FGF9: variants seen among roughly 807,000 people sequenced by gnomAD.
FGF9 encodes fibroblast growth factor 9 (glia-activating factor).
A neutral mutation model predicts 19.9 loss-of-function variants in FGF9; 3 were observed. That is an observed-to-expected ratio of 0.15 (90% confidence interval 0.07 to 0.39). The LOEUF (loss-of-function observed/expected upper bound fraction) is 0.39. Among genes scored for constraint, FGF9 ranks in the 10% least tolerant of loss-of-function variants. The probability of loss-of-function intolerance (pLI) is 1.00; values close to 1 mark genes in which losing one functional copy is unlikely to be tolerated. For synonymous variants in FGF9, 107 were observed against 106.9 expected (o/e 1.00, Z -0.01); for missense variants, 175 against 256.8 (o/e 0.68, Z 2.18).
intron 2 of FGF9, among the ~76,000 whole-genome samples, chr13:21,697,336 G>A (rs1016897691): frequency 6.6e-6 from 1 of 152,030 alleles, no homozygotes; most frequent in Non-Finnish European, 1.5e-5. Flanking sequence ...TGTAGAGATG[G>A]GGGTCTCACT....
At chr13:21,686,356 A>G (rs986702223) in intron 2 of FGF9, among the ~76,000 whole-genome samples, 1 of 152,246 alleles carries the variant, frequency 6.6e-6, no homozygotes, top group African/African-American at 2.4e-5. Flanking sequence ...CATCAAGAAT[A>G]ATTGACCATA....
Position 21,671,792 on chromosome 13 carries a change from T to A in FGF9, c.-121T>A. On this transcript the variant is annotated 5_prime_UTR_variant, in exon 1 of 3. Transcript: ENST00000382353. ...TAATGGATTGAAGAAAAGAACCTTT[T>A]TTTTCTCTCTCTCTCTGCAACTGCA... The A allele has an allele frequency of 1.7e-6, 2 of 1,180,324 alleles. No homozygotes were observed. The highest frequency in any genetic ancestry group is 2.5e-6 in the Non-Finnish European group (2 of 801,662). The allele number at this position is 1,180,324 out of a possible 1,614,324, so 73.1% of individuals were successfully genotyped here.
At chr13:21,683,828 C>T (rs1267311543) in intron 2 of FGF9, among the ~76,000 whole-genome samples, 3 of 152,234 alleles carry the variant, frequency 2.0e-5, no homozygotes, top group African/African-American at 7.2e-5. Flanking sequence ...GGCAGAAGTA[C>T]CTTCAAAACC....
chr13:21,699,918 G>T lies in FGF9; in HGVS notation c.382-1272G>T, dbSNP rs183140078. The stretch of plus-strand genomic sequence containing the variant: ...AAAAGTTTCAGTTGAACAGTGAGAA[G>T]AGCAAAAAGGCCAGTAAGTCCTGTC... On this transcript the variant is annotated intron_variant, in intron 2 of 2. Transcript: ENST00000382353. Among the ~76,000 whole-genome samples, 256 of 152,222 alleles carry T rather than the reference G, an allele frequency of 1.7e-3. 2 individuals carry two copies. The highest frequency in any genetic ancestry group is 2.9e-3 in the Non-Finnish European group (194 of 68,016).
intron 1 of FGF9, among the ~76,000 whole-genome samples, chr13:21,675,142 C>T (rs1245004170): frequency 6.6e-6 from 1 of 151,470 alleles, no homozygotes; most frequent in African/African-American, 2.4e-5. Flanking sequence ...GTCGGCCTGG[C>T]GTCGGCCGAG....
chr13:21,684,295 T>C (rs148853736), intron 2 of FGF9, among the ~76,000 whole-genome samples: 109 of 152,340 alleles, frequency 7.2e-4, no homozygotes, highest in Middle Eastern at 3.4e-3. Flanking sequence ...TGTATTTCTC[T>C]GTTCCCTAAT....
chr13:21,677,515 G>C (rs567685354), intron 1 of FGF9, among the ~76,000 whole-genome samples: 6 of 152,180 alleles, frequency 3.9e-5, no homozygotes, highest in African/African-American at 1.2e-4. Context: ...CCTGGCACCA[G>C]CTCCACCCCA....
intron 2 of FGF9, among the ~76,000 whole-genome samples, chr13:21,693,697 G>A (rs1411906198): frequency 6.6e-6 from 1 of 152,194 alleles, no homozygotes; most frequent in African/African-American, 2.4e-5. Context: ...GGAAGAGGAT[G>A]CGGCAGGCCC....
At position 21,671,436 on chromosome 13, in the gene FGF9, C is replaced by A; in HGVS notation, c.-477C>A. On this transcript the variant is annotated 5_prime_UTR_variant, in exon 1 of 3. Transcript: ENST00000382353. Reference sequence around the variant, plus strand: ...TGCAGAGTCGGTTAGAGAGTAAAAACAGCGCATGCCTTCCTGGAGTCAGGA... The same window carrying A: ...TGCAGAGTCGGTTAGAGAGTAAAAAAAGCGCATGCCTTCCTGGAGTCAGGA... 50 of 396,238 alleles carry A rather than the reference C, an allele frequency of 1.3e-4. No homozygotes were observed. The highest frequency in any genetic ancestry group is 1.3e-4 in the Non-Finnish European group (30 of 225,410). The allele number at this position is 396,238 out of a possible 1,614,324, so 24.5% of individuals were successfully genotyped here. A position where few individuals can be genotyped will look rare whatever the true frequency, so the allele number is the denominator to read the frequency against.
chr13:21,696,548 G>A (rs113035724), intron 2 of FGF9, among the ~76,000 whole-genome samples: 1 of 1,836 alleles, frequency 5.4e-4, no homozygotes, highest in Middle Eastern at 0.5. Flanking sequence ...CATTAGAAAC[G>A]TGGTGGGTTT....
In FGF9 at chr13:21,695,083, C is replaced by CGTGT. The variant is rs59076902; in HGVS notation, c.382-6077_382-6074dup. On this transcript the variant is annotated intron_variant, in intron 2 of 2. Coordinates refer to ENST00000382353, the MANE Select transcript of FGF9 (RefSeq NM_002010.3). ...GAAGATGTGTGCGTGTGTGTGTGTG[C>CGTGT]GTGTGTGTGTGTGTGTGTGTGTGTG... is the stretch of plus-strand genomic sequence containing the variant. Among the ~76,000 whole-genome samples the CGTGT allele has an allele frequency of 9.6e-3, 1,319 of 137,206 alleles. 5 individuals carry two copies. The highest frequency in any genetic ancestry group is 0.014 in the Non-Finnish European group (891 of 63,118). The allele number at this position is 137,206 out of a possible 152,430, so 90.0% of individuals were successfully genotyped here. A position where few individuals can be genotyped will look rare whatever the true frequency, so the allele number is the denominator to read the frequency against.
In FGF9 at chr13:21,702,928, T is replaced by C. The variant is rs1210237724; in HGVS notation, c.*1493T>C. ...AAGCGCTCAATTTTTTTAGAGGGGA[T>C]ATTACTATATAGAATATCTTTTACA... On this transcript the variant is annotated 3_prime_UTR_variant, in exon 3 of 3. Transcript: ENST00000382353. 2.0e-5 allele frequency: 3 copies of C among 152,244 alleles called. No homozygotes were observed. The highest frequency in any genetic ancestry group is 7.2e-5 in the African/African-American group (3 of 41,478). The allele number at this position is 152,244 out of a possible 1,614,324, so 9.4% of individuals were successfully genotyped here.
chr13:21,690,206 T>G (rs1022045464), intron 2 of FGF9, among the ~76,000 whole-genome samples: 11 of 151,972 alleles, frequency 7.2e-5, no homozygotes, highest in Non-Finnish European at 1.5e-4. Flanking sequence ...CACACACTCT[T>G]CCATCCACAC....
intron 2 of FGF9, among the ~76,000 whole-genome samples, chr13:21,686,900 A>G (rs1275390948): frequency 6.6e-6 from 1 of 152,208 alleles, no homozygotes; most frequent in Non-Finnish European, 1.5e-5. Flanking sequence ...GAGAGAGGTT[A>G]AGTGACTTGC....
At chr13:21,697,906 C>CA (rs1872448638) in intron 2 of FGF9, among the ~76,000 whole-genome samples, 1 of 151,306 alleles carries the variant, frequency 6.6e-6, no homozygotes. Flanking sequence ...CTCCCGGGTT[C>CA]ACGCCATTCT....
chr13:21,693,798 G>A (rs1395938358), intron 2 of FGF9, among the ~76,000 whole-genome samples: 2 of 152,126 alleles, frequency 1.3e-5, no homozygotes, highest in Non-Finnish European at 2.9e-5. Flanking sequence ...GGCCAAAGTG[G>A]CTGTCTTCTT....
intron 2 of FGF9, chr13:21,681,375 T>C (rs1872039429): frequency 2.5e-6 from 1 of 404,094 alleles, no homozygotes; most frequent in Non-Finnish European, 4.5e-6. Context: ...CCAAACCATC[T>C]TAATTATCAA....
At chr13:21,675,367 T>G (rs1871887107) in intron 1 of FGF9, among the ~76,000 whole-genome samples, 5 of 151,992 alleles carry the variant, frequency 3.3e-5, no homozygotes, top group Admixed American at 2.6e-4. Context: ...ATTAGCAACC[T>G]CCGCAGAGCG....
At chr13:21,681,383 C>A (rs926323692) in intron 2 of FGF9, 10 of 381,796 alleles carry the variant, frequency 2.6e-5, no homozygotes, top group Non-Finnish European at 4.8e-5. Flanking sequence ...TCTTAATTAT[C>A]AAGTAAATAA....
Sources: gnomAD v4.1 joint callset for allele counts (sites outside exome capture counted in the v4.1 genomes callset) on GRCh38, gnomAD v4.1.1 for gene constraint, MANE v1.5 for transcripts, NCBI Gene and HGNC (gene_info 2026-07-23, HGNC 2026-07-21) for gene names.